The following CTNNA2 variants were observed in gnomAD, a reference collection of about 807,000 sequenced individuals.
CTNNA2 encodes catenin alpha 2.
CTNNA2 carries 42 observed loss-of-function variants against 101.0 expected under a neutral mutation model. That is an observed-to-expected ratio of 0.42 (90% CI 0.32 to 0.54). The LOEUF is 0.54. Ranked by LOEUF, CTNNA2 falls within the 20% of genes least tolerant of loss-of-function variation. CTNNA2 has a pLI of 0.14. For missense variants in CTNNA2, 871 were observed against 1,223.1 expected (o/e 0.71, Z 4.29); for synonymous variants, 450 against 456.4 (o/e 0.99, Z 0.18).
chr2:80,318,611 A>C (rs1170895557), intron 7 of CTNNA2, among the ~76,000 whole-genome samples: 3 of 152,214 alleles, frequency 2.0e-5, no homozygotes, highest in Non-Finnish European at 4.4e-5. Context: ...AGTGAAGGAA[A>C]CATGCAATAC....
chr2:79,946,411 A>G (rs1161966921), intron 7 of CTNNA2, among the ~76,000 whole-genome samples: 1 of 152,198 alleles, frequency 6.6e-6, no homozygotes, highest in African/African-American at 2.4e-5. Context: ...AACTGAACTG[A>G]GAGTCTATTA....
chr2:79,741,991 C>A (rs2104977310), intron 2 of CTNNA2, among the ~76,000 whole-genome samples: 1 of 152,218 alleles, frequency 6.6e-6, no homozygotes, highest in African/African-American at 2.4e-5. Flanking sequence ...TCCCTTTGTG[C>A]TCTTCCACCC....
At chr2:80,079,863 AAAAT>A (rs1187676676) in intron 7 of CTNNA2, among the ~76,000 whole-genome samples, 1 of 112,730 alleles carries the variant, frequency 8.9e-6, no homozygotes, top group Non-Finnish European at 1.8e-5. Flanking sequence ...AAAATAAAAT[AAAAT>A]AAAATAAAAT....
chr2:79,339,293 G>A (rs553427448), intron 3 of CTNNA2, among the ~76,000 whole-genome samples: 1 of 152,154 alleles, frequency 6.6e-6, no homozygotes, highest in African/African-American at 2.4e-5. Flanking sequence ...GGAGTGAAAA[G>A]GAGTGTTGAG....
intron 4 of CTNNA2, among the ~76,000 whole-genome samples, chr2:79,470,645 G>T (rs959841604): frequency 6.6e-6 from 1 of 152,082 alleles, no homozygotes; most frequent in Non-Finnish European, 1.5e-5. Context: ...TGGATGTTTT[G>T]TCTTCCTAGG....
At chr2:80,593,011 A>T (rs1034017317) in intron 15 of CTNNA2, among the ~76,000 whole-genome samples, 1 of 152,160 alleles carries the variant, frequency 6.6e-6, no homozygotes, top group Non-Finnish European at 1.5e-5. Context: ...CATCAGAATT[A>T]CCTATGTCCT....
At chr2:79,457,183 C>G (rs1323408047) in intron 4 of CTNNA2, among the ~76,000 whole-genome samples, 1 of 142,560 alleles carries the variant, frequency 7.0e-6, no homozygotes, top group Non-Finnish European at 1.5e-5. Context: ...GCCTGGGTGA[C>G]AGAGGGAGAC....
chr2:79,732,941 A>T (rs995831937), intron 2 of CTNNA2, among the ~76,000 whole-genome samples: 3 of 152,154 alleles, frequency 2.0e-5, no homozygotes, highest in South Asian at 2.1e-4. Flanking sequence ...TTAATGAGCC[A>T]GATTGAGAAG....
intron 4 of CTNNA2, among the ~76,000 whole-genome samples, chr2:79,422,023 C>A (rs1053042921): frequency 3.9e-5 from 6 of 152,064 alleles, no homozygotes; most frequent in African/African-American, 1.4e-4. Context: ...CATGGTGGCA[C>A]ACTCCTCTAA....
At chr2:79,919,634 T>C (rs941803723) in intron 7 of CTNNA2, among the ~76,000 whole-genome samples, 1 of 152,120 alleles carries the variant, frequency 6.6e-6, no homozygotes, top group African/African-American at 2.4e-5. Flanking sequence ...CCTCACAAAA[T>C]TGTCAGGGAG....
intron 8 of CTNNA2, among the ~76,000 whole-genome samples, chr2:80,413,679 G>A (rs1679787053): frequency 6.6e-6 from 1 of 152,176 alleles, no homozygotes; most frequent in African/African-American, 2.4e-5. Context: ...CCCTAGGCTG[G>A]ATGGCTCCTG....
chr2:79,624,247 G>A (rs1436180539), intron 1 of CTNNA2, among the ~76,000 whole-genome samples: 1 of 152,060 alleles, frequency 6.6e-6, no homozygotes, highest in Non-Finnish European at 1.5e-5. Flanking sequence ...AGCTGGATAT[G>A]AAAATAGCTA....
At chr2:79,470,576 G>A (rs1360364097) in intron 4 of CTNNA2, among the ~76,000 whole-genome samples, 1 of 152,260 alleles carries the variant, frequency 6.6e-6, no homozygotes, top group Non-Finnish European at 1.5e-5. Context: ...CAGAACACTG[G>A]TTTCTTCACT....
intron 16 of CTNNA2, among the ~76,000 whole-genome samples, chr2:80,606,405 CA>C (rs1197295184): frequency 9.4e-5 from 11 of 117,076 alleles, no homozygotes; most frequent in East Asian, 4.9e-4. Flanking sequence ...CACACACACA[CA>C]CACACACCCC....
At chr2:79,541,259 T>C (rs921370394) in intron 1 of CTNNA2, among the ~76,000 whole-genome samples, 1 of 151,396 alleles carries the variant, frequency 6.6e-6, no homozygotes, top group African/African-American at 2.4e-5. Flanking sequence ...CAAATTCTTA[T>C]TTTACAAATG....
At chr2:79,213,092 A>G (rs534437008) in intron 2 of CTNNA2, among the ~76,000 whole-genome samples, 20 of 152,306 alleles carry the variant, frequency 1.3e-4, no homozygotes, top group African/African-American at 4.6e-4. Context: ...TTGTGTGGGA[A>G]GAGATTGATA....
chr2:80,077,806 A>G (rs900630885), intron 7 of CTNNA2, among the ~76,000 whole-genome samples: 42 of 152,146 alleles, frequency 2.8e-4, no homozygotes, highest in African/African-American at 9.4e-4. Flanking sequence ...CGAGAGGAGC[A>G]CTCGTGAGAG....
At chr2:79,454,363 C>G (rs2104529561) in intron 4 of CTNNA2, among the ~76,000 whole-genome samples, 1 of 152,218 alleles carries the variant, frequency 6.6e-6, no homozygotes, top group South Asian at 2.1e-4. Context: ...CTACATCTAA[C>G]ACACCCTCTC....
intron 9 of CTNNA2, among the ~76,000 whole-genome samples, chr2:80,453,810 T>C (rs2149460844): frequency 6.6e-6 from 1 of 152,270 alleles, no homozygotes; most frequent in South Asian, 2.1e-4. Context: ...GTTTCTATTC[T>C]CCACCCCCGT....
Sources: gnomAD v4.1 joint callset for allele counts (sites outside exome capture counted in the v4.1 genomes callset) on GRCh38, gnomAD v4.1.1 for gene constraint, MANE v1.5 for transcripts, NCBI Gene and HGNC (gene_info 2026-07-23, HGNC 2026-07-21) for gene names.